The following SGMS2 variants were observed in gnomAD, a reference collection of about 807,000 sequenced individuals.
SGMS2 encodes phosphatidylcholine:ceramide cholinephosphotransferase 2.
A neutral mutation model predicts 43.8 loss-of-function variants in SGMS2; 21 were observed. That is an observed-to-expected ratio of 0.48 (90% CI 0.34 to 0.69). The LOEUF (loss-of-function observed/expected upper bound fraction) is 0.69. Among genes scored for constraint, SGMS2 ranks in the 30% least tolerant of loss-of-function variants. The pLI is 0.01. For synonymous variants in SGMS2, 167 were observed against 160.6 expected (o/e 1.04, Z -0.30); for missense variants, 384 against 443.2 (o/e 0.87, Z 1.20).
At chr4:107,861,074 G>A (rs956574868) in intron 2 of SGMS2, among the ~76,000 whole-genome samples, 1 of 152,198 alleles carries the variant, frequency 6.6e-6, no homozygotes, top group Admixed American at 6.5e-5. Context: ...CTTTCGCCTG[G>A]CCATAACAGA....
intron 2 of SGMS2, among the ~76,000 whole-genome samples, chr4:107,891,794 A>C (rs1471301387): frequency 1.3e-5 from 2 of 152,008 alleles, no homozygotes; most frequent in Non-Finnish European, 2.9e-5. Context: ...ATGTTTTATT[A>C]TGCAAATGGA....
intron 2 of SGMS2, chr4:107,867,327 A>G (rs1422955837): frequency 6.6e-6 from 1 of 152,208 alleles, no homozygotes; most frequent in African/African-American, 2.4e-5. Flanking sequence ...TGGGAATTAC[A>G]TTTATAAATG....
At chr4:107,830,755 C>A (rs1725847764) in intron 1 of SGMS2, among the ~76,000 whole-genome samples, 1 of 151,310 alleles carries the variant, frequency 6.6e-6, no homozygotes, top group Admixed American at 6.6e-5. Flanking sequence ...TGTTTAAGTT[C>A]CTCATAGATT....
intron 2 of SGMS2, among the ~76,000 whole-genome samples, chr4:107,876,089 T>C (rs1728894938): frequency 6.6e-6 from 1 of 152,218 alleles, no homozygotes; most frequent in Non-Finnish European, 1.5e-5. Context: ...CTAGGAAATG[T>C]GCCCCTAAAC....
At chr4:107,851,393 A>G (rs1039721641) in intron 1 of SGMS2, among the ~76,000 whole-genome samples, 1 of 152,232 alleles carries the variant, frequency 6.6e-6, no homozygotes, top group Non-Finnish European at 1.5e-5. Flanking sequence ...GAGGAAAATA[A>G]AAACTAGAGG....
chr4:107,852,239 A>AT (rs982103122), intron 1 of SGMS2, among the ~76,000 whole-genome samples: 193 of 145,418 alleles, frequency 1.3e-3, no homozygotes, highest in Middle Eastern at 3.6e-3. Flanking sequence ...CACCCAGCTA[A>AT]TTTTTTTTTT....
rs1384833338 is a variant in SGMS2, at chr4:107,914,998, T to C, written c.*4445T>C. 6.6e-6 allele frequency: 1 copy of C among 152,202 alleles called. No individual in the cohort carries two copies. Among genetic ancestry groups the C allele is most frequent in the Admixed American group, 6.5e-5 (1 of 15,274 alleles). 9.4% of individuals were successfully genotyped at this position (152,202 alleles called of 1,614,324 possible). On this transcript the variant is annotated 3_prime_UTR_variant, in exon 7 of 7. Coordinates refer to ENST00000690982, the MANE Select transcript of SGMS2 (RefSeq NM_001375905.1). ...TTAAAAAATGCAAGAGCCTATACTT[T>C]GTATTTACCTAATAAACCACAGTGA... is the stretch of plus-strand genomic sequence containing the variant.
intron 1 of SGMS2, among the ~76,000 whole-genome samples, chr4:107,851,377 A>G (rs1233002008): frequency 3.9e-5 from 6 of 152,234 alleles, no homozygotes. Flanking sequence ...ACAACAGATT[A>G]GGAGAGAGGA....
At chr4:107,883,570 C>T (rs1275942779) in intron 2 of SGMS2, among the ~76,000 whole-genome samples, 1 of 152,180 alleles carries the variant, frequency 6.6e-6, no homozygotes, top group African/African-American at 2.4e-5. Flanking sequence ...CCTACCTCAG[C>T]ACTGTTTTCT....
chr4:107,868,375 T>C (rs1159258779), intron 2 of SGMS2, among the ~76,000 whole-genome samples: 3 of 152,226 alleles, frequency 2.0e-5, no homozygotes, highest in Admixed American at 1.3e-4. Flanking sequence ...TTTAGGCTGT[T>C]ATCTGTTGAA....
intron 2 of SGMS2, among the ~76,000 whole-genome samples, chr4:107,873,169 G>T (rs1465690185): frequency 6.6e-6 from 1 of 152,246 alleles, no homozygotes; most frequent in Non-Finnish European, 1.5e-5. Flanking sequence ...TAGGGTAGAA[G>T]CTTGTGTGCT....
At chr4:107,838,571 T>C (rs142918100) in intron 1 of SGMS2, among the ~76,000 whole-genome samples, 12 of 152,326 alleles carry the variant, frequency 7.9e-5, no homozygotes, top group Non-Finnish European at 1.0e-4. Context: ...TGTGTAATTC[T>C]AGTACAATAT....
At chr4:107,882,876 A>AT (rs1413889463) in intron 2 of SGMS2, among the ~76,000 whole-genome samples, 1 of 152,218 alleles carries the variant, frequency 6.6e-6, no homozygotes, top group Non-Finnish European at 1.5e-5. Context: ...AGTTCAATGT[A>AT]TAAACATCTA....
intron 1 of SGMS2, among the ~76,000 whole-genome samples, chr4:107,833,156 C>A (rs894982076): frequency 6.6e-6 from 1 of 152,236 alleles, no homozygotes; most frequent in Non-Finnish European, 1.5e-5. Flanking sequence ...TCCCATCCCC[C>A]ACTCAGCACA....
intron 2 of SGMS2, among the ~76,000 whole-genome samples, chr4:107,877,175 G>C (rs1359233264): frequency 1.3e-5 from 2 of 152,068 alleles, no homozygotes; most frequent in African/African-American, 4.8e-5. Flanking sequence ...TGGCATGGTG[G>C]TGTTCACCTG....
chr4:107,904,629 C>T (rs945698143), intron 5 of SGMS2, among the ~76,000 whole-genome samples: 2 of 152,138 alleles, frequency 1.3e-5, no homozygotes, highest in Admixed American at 6.5e-5. Context: ...TAGTGGGATA[C>T]ATGTGGGGTC....
chr4:107,889,020 C>A (rs142002756), intron 2 of SGMS2, among the ~76,000 whole-genome samples: 1 of 152,136 alleles, frequency 6.6e-6, no homozygotes, highest in Non-Finnish European at 1.5e-5. Context: ...CTTTTAGCCT[C>A]CAATCTGTCC....
intron 2 of SGMS2, among the ~76,000 whole-genome samples, chr4:107,888,052 A>T (rs1285038512): frequency 2.0e-5 from 3 of 152,132 alleles, no homozygotes; most frequent in African/African-American, 7.2e-5. Flanking sequence ...TTATCTCTCA[A>T]AATCAGTTCC....
intron 6 of SGMS2, 99 bp downstream of exon 6, chr4:107,908,830 T>C: frequency 9.7e-7 from 1 of 1,032,456 alleles, no homozygotes; most frequent in Non-Finnish European, 1.4e-6. Context: ...GGATAACCGA[T>C]GTTGCCACAT....
Sources: gnomAD v4.1 joint callset for allele counts (sites outside exome capture counted in the v4.1 genomes callset) on GRCh38, gnomAD v4.1.1 for gene constraint, MANE v1.5 for transcripts, NCBI Gene and HGNC (gene_info 2026-07-23, HGNC 2026-07-21) for gene names.